MVB12B: variants seen among roughly 807,000 people sequenced by gnomAD.
The protein encoded by MVB12B is multivesicular body subunit 12B.
MVB12B carries 16 observed loss-of-function variants against 41.6 expected under a neutral mutation model. That is an observed-to-expected ratio of 0.38 (90% confidence interval 0.26 to 0.58). MVB12B has a LOEUF of 0.58. Ranked by LOEUF, MVB12B falls within the 20% of genes least tolerant of loss-of-function variation. The pLI is 0.62. For synonymous variants in MVB12B, 133 were observed against 139.7 expected (o/e 0.95, Z 0.34); for missense variants, 274 against 380.2 (o/e 0.72, Z 2.32).
At position 126,453,231 on chromosome 9, in the gene MVB12B, C is replaced by T. The variant is rs188069472; in HGVS notation, c.758-28138C>T. On this transcript the variant is annotated intron_variant, in intron 7 of 9. Coordinates refer to ENST00000361171, the MANE Select transcript of MVB12B (RefSeq NM_033446.3). ...TATTTTTGCCAGAAAACCCCACAGA[C>T]GTGCCACCTCCCCGTGAGCATCCCC... is the stretch of plus-strand genomic sequence containing the variant. 2.3e-4 allele frequency among the ~76,000 whole-genome samples: 35 copies of T among 152,306 alleles called. No individual in the cohort carries two copies. The East Asian group carries it at 4.6e-3, about 20-fold the overall frequency.
At chr9:126,502,670 C>T (rs1833984437) in intron 9 of MVB12B, among the ~76,000 whole-genome samples, 1 of 152,158 alleles carries the variant, frequency 6.6e-6, no homozygotes, top group Non-Finnish European at 1.5e-5. Context: ...GAGGCCCCTC[C>T]CATGACCCTG....
intron 7 of MVB12B, among the ~76,000 whole-genome samples, chr9:126,456,887 AC>A (rs33952932): frequency 0.24 from 36,994 of 151,888 alleles, 5,343 homozygotes; most frequent in African/African-American, 0.4. Context: ...TAAGCGTCTT[AC>A]AATTCTGGAA....
At chr9:126,334,609 A>G (rs1829225694) in intron 1 of MVB12B, among the ~76,000 whole-genome samples, 2 of 152,238 alleles carry the variant, frequency 1.3e-5, no homozygotes, top group African/African-American at 4.8e-5. Flanking sequence ...TGGGGCCTCC[A>G]GGATGGTTTC....
intron 7 of MVB12B, among the ~76,000 whole-genome samples, chr9:126,457,725 G>A (rs1247676418): frequency 6.6e-6 from 1 of 151,990 alleles, no homozygotes; most frequent in African/African-American, 2.4e-5. Flanking sequence ...ATGAAAATAG[G>A]GACGCGTCGC....
intron 9 of MVB12B, among the ~76,000 whole-genome samples, chr9:126,488,562 A>AG (rs376862491): frequency 6.6e-6 from 1 of 152,072 alleles, no homozygotes; most frequent in Non-Finnish European, 1.5e-5. Flanking sequence ...CGTGGGAGGA[A>AG]GGGGGGTCCA....
rs1445654964 is a variant in MVB12B at position 126,460,851 on chromosome 9, G to GAAT, written c.758-20504_758-20502dup. On this transcript the variant is annotated intron_variant, in intron 7 of 9. Transcript: ENST00000361171. ...TGCCTGAGTGGCCTCTGTAAAATAG[G>GAAT]AATAATAATAATAATATACACACAT... is the stretch of plus-strand genomic sequence containing the variant. Among the ~76,000 whole-genome samples the GAAT allele has an allele frequency of 7.2e-5, 11 of 152,176 alleles. No homozygotes were observed. The South Asian group carries it at 2.1e-3, about 29-fold the overall frequency.
chr9:126,418,440 T>C (rs1027840165), intron 6 of MVB12B, among the ~76,000 whole-genome samples: 5 of 152,216 alleles, frequency 3.3e-5, no homozygotes, highest in Admixed American at 6.5e-5. Context: ...TGGCAAGTCA[T>C]GTCGACAGGA....
chr9:126,356,003 C>G (rs1829870694), intron 2 of MVB12B, among the ~76,000 whole-genome samples: 3 of 152,082 alleles, frequency 2.0e-5, no homozygotes, highest in Non-Finnish European at 1.5e-5. Flanking sequence ...TATGGGTTTG[C>G]CTATTCTGGA....
At chr9:126,348,550 C>T (rs993035882) in intron 2 of MVB12B, among the ~76,000 whole-genome samples, 2 of 152,218 alleles carry the variant, frequency 1.3e-5, no homozygotes, top group African/African-American at 4.8e-5. Context: ...AAAGTTCCCG[C>T]TAATGACTTG....
chr9:126,410,909 A>T (rs1413076672), intron 6 of MVB12B, among the ~76,000 whole-genome samples: 2 of 137,434 alleles, frequency 1.5e-5, no homozygotes, highest in Non-Finnish European at 3.1e-5. Context: ...TTTTTTTGAG[A>T]TGGAGTCTTA....
intron 2 of MVB12B, among the ~76,000 whole-genome samples, chr9:126,366,133 C>T (rs954277224): frequency 3.3e-5 from 5 of 152,008 alleles, no homozygotes; most frequent in Admixed American, 1.3e-4. Context: ...TTAGCAGATG[C>T]GGCCTCCGCC....
chr9:126,397,325 CAA>C (rs1344398974), intron 6 of MVB12B: 16 of 985,330 alleles, frequency 1.6e-5, no homozygotes, highest in East Asian at 1.1e-4. Flanking sequence ...ACTGTGAGAG[CAA>C]AGTCACTTGC....
Position 126,449,294 on chromosome 9 carries a change from C to G in MVB12B, c.757+27346C>G, listed in dbSNP as rs77280835. ...ACCTGCAGAAGTCGGATGTGCTGGT[C>G]CCTCTGTTGAGAAGGCTCGGTGGCC... On this transcript the variant is annotated intron_variant, in intron 7 of 9. Coordinates refer to ENST00000361171, the MANE Select transcript of MVB12B (RefSeq NM_033446.3). 4.3e-3 allele frequency among the ~76,000 whole-genome samples: 655 copies of G among 152,294 alleles called. 7 individuals are homozygous for G. The East Asian group carries it at 0.05, about 12-fold the overall frequency.
In MVB12B at chr9:126,397,226, C is replaced by T. The variant is rs569143005; in HGVS notation, c.662+1529C>T. The T allele has an allele frequency of 8.1e-6, 8 of 985,504 alleles. No homozygotes were observed. The Admixed American group carries it at 3.1e-4, about 38-fold the overall frequency. The allele number at this position is 985,504 out of a possible 1,614,324, so 61.0% of individuals were successfully genotyped here. A position where few individuals can be genotyped will look rare whatever the true frequency, so the allele number is the denominator to read the frequency against. ...TAGAAGGGCCCAGAAATGGGCACCA[C>T]CTCAGGCAGGTTTTGACTTTCTGTG... On this transcript the variant is annotated intron_variant, in intron 6 of 9. Coordinates refer to ENST00000361171, the MANE Select transcript of MVB12B (RefSeq NM_033446.3).
intron 4 of MVB12B, among the ~76,000 whole-genome samples, chr9:126,388,293 G>A (rs1395339221): frequency 6.6e-6 from 1 of 152,318 alleles, no homozygotes; most frequent in Admixed American, 6.5e-5. Flanking sequence ...CATACAGCGT[G>A]TGGTCTTTTG....
intron 9 of MVB12B, among the ~76,000 whole-genome samples, chr9:126,491,980 C>A (rs1030390244): frequency 2.6e-5 from 4 of 152,008 alleles, no homozygotes; most frequent in African/African-American, 9.7e-5. Flanking sequence ...TTCTAAGCAG[C>A]TCCCCTGCCG....
intron 7 of MVB12B, among the ~76,000 whole-genome samples, chr9:126,477,665 C>T (rs1005741028): frequency 3.3e-5 from 5 of 152,318 alleles, no homozygotes; most frequent in East Asian, 1.9e-4. Flanking sequence ...GGCAAAAACC[C>T]GCCCCCATGA....
At chr9:126,342,728 G>T (rs1474578962) in intron 2 of MVB12B, among the ~76,000 whole-genome samples, 1 of 152,160 alleles carries the variant, frequency 6.6e-6, no homozygotes, top group Non-Finnish European at 1.5e-5. Context: ...TTCCCCAGAG[G>T]TCTGGCCCCA....
chr9:126,426,153 G>A (rs893086636), intron 7 of MVB12B, among the ~76,000 whole-genome samples: 12 of 152,290 alleles, frequency 7.9e-5, no homozygotes, highest in African/African-American at 2.4e-4. Flanking sequence ...AGGCAATGCC[G>A]GATGGCCAAG....
Sources: gnomAD v4.1 joint callset for allele counts (sites outside exome capture counted in the v4.1 genomes callset) on GRCh38, gnomAD v4.1.1 for gene constraint, MANE v1.5 for transcripts, NCBI Gene and HGNC (gene_info 2026-07-23, HGNC 2026-07-21) for gene names.